The following MAP2K6 variants were observed in gnomAD, a reference collection of about 807,000 sequenced individuals.
The protein encoded by MAP2K6 is mitogen-activated protein kinase kinase 6.
In MAP2K6, 16 loss-of-function variants were observed where a neutral mutation model predicts 53.7. The observed-to-expected ratio is 0.30, with a 90% confidence interval of 0.20 to 0.45. The LOEUF is 0.45. Ranked by LOEUF, MAP2K6 falls within the 20% of genes least tolerant of loss-of-function variation. MAP2K6 has a pLI of 1.00. For missense variants in MAP2K6, 204 were observed against 411.9 expected (o/e 0.50, Z 4.37); for synonymous variants, 132 against 143.1 (o/e 0.92, Z 0.55).
rs71144694 is a variant in MAP2K6 at position 69,459,709 on chromosome 17, CAAAAAA to C, written c.16+44730_16+44735del. 8.9e-5 allele frequency among the ~76,000 whole-genome samples: 5 copies of C among 55,918 alleles called. No homozygotes were observed. In the Admixed American group the frequency reaches 1.3e-3, roughly 14 times the overall value. The allele number at this position is 55,918 out of a possible 152,430, so 36.7% of individuals were successfully genotyped here. ...CCCGGGCAACAGCAAGACTCTGTCT[CAAAAAA>C]AAAAAAAAAAAAAAAAAAAAGAGGA... is the stretch of plus-strand genomic sequence containing the variant. On this transcript the variant is annotated intron_variant, in intron 1 of 11. Coordinates refer to ENST00000590474, the MANE Select transcript of MAP2K6 (RefSeq NM_002758.4).
chr17:69,471,813 A>G (rs1907990995), intron 1 of MAP2K6, among the ~76,000 whole-genome samples: 1 of 152,240 alleles, frequency 6.6e-6, no homozygotes, highest in African/African-American at 2.4e-5. Context: ...TGTGAGAGAA[A>G]AGATTATGGT....
chr17:69,425,605 C>T (rs1346187320), intron 1 of MAP2K6, among the ~76,000 whole-genome samples: 1 of 152,214 alleles, frequency 6.6e-6, no homozygotes, highest in Non-Finnish European at 1.5e-5. Context: ...GCCACCGCAC[C>T]CGGCCTAAAC....
chr17:69,507,825 T>C (rs1380876805), intron 2 of MAP2K6, among the ~76,000 whole-genome samples: 1 of 152,160 alleles, frequency 6.6e-6, no homozygotes, highest in Non-Finnish European at 1.5e-5. Context: ...TCTTCATTTC[T>C]CTGGGGTGTA....
intron 10 of MAP2K6, among the ~76,000 whole-genome samples, chr17:69,535,324 GGCTCACACCTGTACTCCCA>G (rs755649487): frequency 3.2e-4 from 49 of 152,158 alleles, no homozygotes; most frequent in Admixed American, 8.5e-4. Context: ...TGGGCACAGT[GGCTCACACCTGTACTCCCA>G]GCTCTTTGGA....
At chr17:69,426,843 CT>C (rs1025703010) in intron 1 of MAP2K6, among the ~76,000 whole-genome samples, 74 of 151,646 alleles carry the variant, frequency 4.9e-4, no homozygotes, top group African/African-American at 1.7e-3. Context: ...GTATCTGAAG[CT>C]TAAGAGACCT....
At position 69,432,092 on chromosome 17, in the gene MAP2K6, C is replaced by T. The variant is rs114809795; in HGVS notation, c.16+17092C>T. On this transcript the variant is annotated intron_variant, in intron 1 of 11. Coordinates refer to ENST00000590474, the MANE Select transcript of MAP2K6 (RefSeq NM_002758.4). ...GAACAGTCAAATGGCTGATGTCATACGCAGACTGAAAGGAAATGCATTAAG... is the reference window on the plus strand; with the variant it reads ...GAACAGTCAAATGGCTGATGTCATATGCAGACTGAAAGGAAATGCATTAAG... Among the ~76,000 whole-genome samples the T allele has an allele frequency of 5.9e-5, 9 of 152,204 alleles. No individual in the cohort carries two copies. The East Asian group carries it at 7.7e-4, about 13-fold the overall frequency.
Position 69,540,476 on chromosome 17 carries a change from A to G in MAP2K6, c.928-1200A>G, listed in dbSNP as rs370916754. ...TAAGAACTGTGGCTCATGACCTGAT[A>G]TATCTTTCTAAGTAGAGGTGGCAGG... On this transcript the variant is annotated intron_variant, in intron 11 of 11. Transcript: ENST00000590474. Among the ~76,000 whole-genome samples the G allele has an allele frequency of 6.9e-4, 105 of 152,286 alleles. 1 individual carries two copies. The highest frequency in any genetic ancestry group is 2.5e-3 in the African/African-American group (103 of 41,570).
intron 1 of MAP2K6, among the ~76,000 whole-genome samples, chr17:69,442,762 A>G (rs1906861285): frequency 6.6e-6 from 1 of 152,204 alleles, no homozygotes; most frequent in African/African-American, 2.4e-5. Flanking sequence ...TGGTTCTGCC[A>G]ATTGTAAGCT....
intron 8 of MAP2K6, among the ~76,000 whole-genome samples, chr17:69,524,403 A>G (rs1910652676): frequency 6.6e-6 from 1 of 151,166 alleles, no homozygotes; most frequent in Non-Finnish European, 1.5e-5. Flanking sequence ...CGTCATTAGC[A>G]GAGACCTTGC....
intron 7 of MAP2K6, 104 bp from the exon 8 acceptor site, chr17:69,523,410 A>G: frequency 6.8e-7 from 1 of 1,467,362 alleles, no homozygotes; most frequent in Non-Finnish European, 9.5e-7. Context: ...AGCTTGGGGA[A>G]AGGAAGATGA....
At chr17:69,486,373 G>GA (rs1383002874) in intron 1 of MAP2K6, among the ~76,000 whole-genome samples, 2 of 152,202 alleles carry the variant, frequency 1.3e-5, no homozygotes, top group African/African-American at 4.8e-5. Context: ...AATGCCCTGA[G>GA]AGAGTCATCA....
chr17:69,519,383 C>T lies in MAP2K6; in HGVS notation c.317C>T (p.Thr106Met). 1.9e-6 allele frequency: 3 copies of T among 1,614,094 alleles called. No individual in the cohort carries two copies. Among genetic ancestry groups the T allele is most frequent in the Non-Finnish European group, 2.5e-6 (3 of 1,179,966 alleles). ...ATGGATTTGGATATTTCCATGAGGA[C>T]GGTGGACTGTCCATTCACTGTCACC... ...LLMDLDISMR[T>M]VDCPFTVTFY... is the part of the protein sequence containing the mutation. The change falls in exon 5 of 12, where the codon ACG becomes ATG. Residue 106 changes from threonine to methionine, a missense_variant. Coordinates refer to ENST00000590474, the MANE Select transcript of MAP2K6 (RefSeq NM_002758.4).
At chr17:69,519,918 G>C (rs1444009691) in intron 5 of MAP2K6, 1 of 236,446 alleles carries the variant, frequency 4.2e-6, no homozygotes, top group African/African-American at 2.3e-5. Context: ...TAGTGTGAGA[G>C]ATACGACATG....
chr17:69,466,054 C>T (rs995071109), intron 1 of MAP2K6, among the ~76,000 whole-genome samples: 3 of 150,238 alleles, frequency 2.0e-5, no homozygotes, highest in Non-Finnish European at 4.4e-5. Context: ...GGGTGGATCA[C>T]CTGAGGCCAA....
At chr17:69,440,644 CAG>C (rs1383954061) in intron 1 of MAP2K6, among the ~76,000 whole-genome samples, 4 of 151,884 alleles carry the variant, frequency 2.6e-5, no homozygotes, top group Non-Finnish European at 2.9e-5. Context: ...GAAAAATTCT[CAG>C]AGTTGTTCTT....
intron 1 of MAP2K6, among the ~76,000 whole-genome samples, chr17:69,447,278 C>G (rs1390536834): frequency 1.3e-5 from 2 of 151,488 alleles, no homozygotes; most frequent in Non-Finnish European, 2.9e-5. Context: ...CACGCCCAGC[C>G]TAACCTTTGT....
chr17:69,498,659 C>A (rs1187655897), intron 1 of MAP2K6, among the ~76,000 whole-genome samples: 4 of 66,826 alleles, frequency 6.0e-5, no homozygotes, highest in African/African-American at 1.9e-4. Flanking sequence ...GCCACACACA[C>A]ACACACACAC....
At chr17:69,471,965 C>T (rs185274765) in intron 1 of MAP2K6, among the ~76,000 whole-genome samples, 11 of 152,250 alleles carry the variant, frequency 7.2e-5, no homozygotes, top group African/African-American at 1.2e-4. Context: ...ATCTTCCCCG[C>T]GGGGATGTCC....
chr17:69,536,273 C>G (rs1410609785), intron 11 of MAP2K6, 113 bp downstream of exon 11: 1 of 754,204 alleles, frequency 1.3e-6, no homozygotes, highest in Non-Finnish European at 2.3e-6. Flanking sequence ...TTCATTGATA[C>G]ATCAGTGACA....
Sources: allele counts gnomAD v4.1 joint callset (sites outside exome capture counted in the v4.1 genomes callset), GRCh38; gene constraint gnomAD v4.1.1; transcripts MANE v1.5; gene names NCBI Gene and HGNC (gene_info 2026-07-23, HGNC 2026-07-21).